Variants in FILIP1L observed in about 807,000 individuals in gnomAD.
FILIP1L encodes filamin A interacting protein 1 like.
Under a neutral mutation model 96.6 loss-of-function variants are expected in FILIP1L, and 55 were observed. The ratio of observed to expected loss-of-function variants is 0.57; its 90% CI spans 0.46 to 0.71. The LOEUF is 0.71. FILIP1L is among the 30% of genes least tolerant of loss of function. The pLI is 0.00. For synonymous variants in FILIP1L, 467 were observed against 473.9 expected, an observed-to-expected ratio of 0.99 and a Z score of 0.19; for missense variants, 1,304 against 1,321.2, an observed-to-expected ratio of 0.99 and a Z score of 0.20.
intron 1 of FILIP1L, among the ~76,000 whole-genome samples, chr3:99,996,519 A>G (rs1709686444): frequency 6.6e-6 from 1 of 152,096 alleles, no homozygotes; most frequent in Non-Finnish European, 1.5e-5. Context: ...CTTTTCAGCA[A>G]TGCCCCACTC....
At chr3:99,907,798 C>T (rs1456957646) in intron 4 of FILIP1L, among the ~76,000 whole-genome samples, 6 of 152,178 alleles carry the variant, frequency 3.9e-5, no homozygotes, top group Non-Finnish European at 5.9e-5. Flanking sequence ...CTAATGCTAT[C>T]TGGATCCATT....
chr3:100,035,466 T>TTTCACCATGTTGGCCAGGCTGGTCTCGAA (rs1432439884), intron 1 of FILIP1L, among the ~76,000 whole-genome samples: 3 of 152,142 alleles, frequency 2.0e-5, no homozygotes, highest in Non-Finnish European at 4.4e-5. Context: ...AGAGACAGGG[T>TTTCACCATGTTGGCCAGGCTGGTCTCGAA]TTCACCATGT....
At chr3:99,951,189 C>A (rs1473498759) in intron 1 of FILIP1L, among the ~76,000 whole-genome samples, 2 of 152,230 alleles carry the variant, frequency 1.3e-5, no homozygotes, top group African/African-American at 4.8e-5. Context: ...TCCCACTTAG[C>A]CTTCAGCCCT....
chr3:100,054,402 G>A (rs1325744686), intron 1 of FILIP1L, among the ~76,000 whole-genome samples: 2 of 152,172 alleles, frequency 1.3e-5, no homozygotes, highest in Non-Finnish European at 2.9e-5. Context: ...CAGAGCTGGG[G>A]AGTGGCTGTC....
At chr3:100,067,295 G>A (rs971362484) in intron 1 of FILIP1L, among the ~76,000 whole-genome samples, 1 of 152,120 alleles carries the variant, frequency 6.6e-6, no homozygotes, top group Non-Finnish European at 1.5e-5. Flanking sequence ...GGCTTTCTTG[G>A]CATTTATACA....
intron 1 of FILIP1L, among the ~76,000 whole-genome samples, chr3:99,998,565 TAAAG>T (rs776442783): frequency 1.3e-5 from 2 of 152,154 alleles, no homozygotes; most frequent in Non-Finnish European, 2.9e-5. Flanking sequence ...TGGAGCTAAT[TAAAG>T]AAAGACAAAA....
intron 1 of FILIP1L, chr3:100,040,460 T>G (rs911295390): frequency 1.3e-5 from 2 of 152,190 alleles, no homozygotes; most frequent in Non-Finnish European, 2.9e-5. Context: ...AGAAACAGTT[T>G]AGGTAGCATC....
chr3:99,978,774 A>G (rs1319579314), intron 1 of FILIP1L, among the ~76,000 whole-genome samples: 1 of 152,144 alleles, frequency 6.6e-6, no homozygotes, highest in East Asian at 1.9e-4. Context: ...AATCCTAGCT[A>G]CTTGGGTGGC....
At chr3:100,109,145 G>A (rs770540230) in intron 1 of FILIP1L, among the ~76,000 whole-genome samples, 9 of 149,468 alleles carry the variant, frequency 6.0e-5, no homozygotes, top group African/African-American at 1.2e-4. Flanking sequence ...CAATTCTTCC[G>A]CTGTAAATCA....
At chr3:99,927,645 A>G (rs1707337485) in intron 3 of FILIP1L, among the ~76,000 whole-genome samples, 4 of 152,242 alleles carry the variant, frequency 2.6e-5, no homozygotes, top group Admixed American at 2.0e-4. Flanking sequence ...CTGGGATTAC[A>G]GGCATGAGCC....
intron 1 of FILIP1L, among the ~76,000 whole-genome samples, chr3:100,011,425 T>A (rs1352262222): frequency 6.6e-6 from 1 of 152,150 alleles, no homozygotes; most frequent in Non-Finnish European, 1.5e-5. Flanking sequence ...TAAAAAGATA[T>A]AATTTAAAAC....
chr3:100,063,765 A>G (rs1433879428), intron 1 of FILIP1L, among the ~76,000 whole-genome samples: 1 of 152,226 alleles, frequency 6.6e-6, no homozygotes, highest in Non-Finnish European at 1.5e-5. Flanking sequence ...TTTCATATCA[A>G]AACTCTGGAC....
intron 4 of FILIP1L, among the ~76,000 whole-genome samples, chr3:99,867,369 G>T (rs1258442625): frequency 6.6e-6 from 1 of 152,102 alleles, no homozygotes; most frequent in Non-Finnish European, 1.5e-5. Flanking sequence ...CTTACCTTGT[G>T]ATTTGAATTT....
At chr3:99,882,396 G>A (rs1402053599) in intron 4 of FILIP1L, among the ~76,000 whole-genome samples, 10 of 152,140 alleles carry the variant, frequency 6.6e-5, no homozygotes, top group Non-Finnish European at 8.8e-5. Flanking sequence ...GTCAGTGGTG[G>A]TGGTAAGACT....
intron 1 of FILIP1L, among the ~76,000 whole-genome samples, chr3:99,943,279 G>A (rs1051466314): frequency 1.3e-5 from 2 of 152,118 alleles, no homozygotes; most frequent in Admixed American, 6.5e-5. Context: ...GAGGTTTGAA[G>A]ACATTTCCAA....
At chr3:99,923,628 A>G (rs1001952462) in intron 4 of FILIP1L, among the ~76,000 whole-genome samples, 1 of 151,986 alleles carries the variant, frequency 6.6e-6, no homozygotes, top group Non-Finnish European at 1.5e-5. Context: ...TCATCTGGAT[A>G]TTTGCCTCCT....
intron 1 of FILIP1L, among the ~76,000 whole-genome samples, chr3:100,081,488 A>G (rs531527527): frequency 6.6e-6 from 1 of 152,134 alleles, no homozygotes; most frequent in Non-Finnish European, 1.5e-5. Context: ...CTTATCTTCC[A>G]TGTATACTTA....
At chr3:100,027,423 C>A (rs2064945828) in intron 1 of FILIP1L, among the ~76,000 whole-genome samples, 1 of 152,094 alleles carries the variant, frequency 6.6e-6, no homozygotes, top group Non-Finnish European at 1.5e-5. Flanking sequence ...CAAACCTGGG[C>A]TGTACTTCTT....
chr3:99,866,478 G>T (rs111358437), intron 4 of FILIP1L, among the ~76,000 whole-genome samples: 2 of 152,170 alleles, frequency 1.3e-5, no homozygotes, highest in African/African-American at 4.8e-5. Flanking sequence ...ATAGAAACAG[G>T]ATGGATAGCA....
Sources: allele counts gnomAD v4.1 joint callset (sites outside exome capture counted in the v4.1 genomes callset), GRCh38; gene constraint gnomAD v4.1.1; transcripts MANE v1.5; gene names NCBI Gene and HGNC (gene_info 2026-07-23, HGNC 2026-07-21).